The following GLOD4 variants were observed in gnomAD, a reference collection of about 807,000 sequenced individuals.
The protein encoded by GLOD4 is glyoxalase domain-containing protein 4.
A neutral mutation model predicts 39.1 loss-of-function variants in GLOD4; 44 were observed. That is an observed-to-expected ratio of 1.13 (90% CI 0.88 to 1.45). The LOEUF is 1.45. GLOD4 is among the 40% of genes most tolerant of loss of function. The pLI, the probability that GLOD4 is intolerant of heterozygous loss-of-function variation, is 0.00. For synonymous variants in GLOD4, 145 were observed against 135.0 expected, an observed-to-expected ratio of 1.07 and a Z score of -0.52; for missense variants, 405 against 366.4, an observed-to-expected ratio of 1.11 and a Z score of -0.86.
intron 2 of GLOD4, 155 bp from the exon 3 acceptor site, chr17:777,143 G>C (rs1291387079): frequency 2.4e-5 from 16 of 664,220 alleles, no homozygotes; most frequent in Non-Finnish European, 4.2e-5. Context: ...GAAAGCAGCT[G>C]TGGGCAGTGC....
At chr17:762,051 A>G (rs931198116) in intron 8 of GLOD4, among the ~76,000 whole-genome samples, 4 of 152,232 alleles carry the variant, frequency 2.6e-5, no homozygotes, top group African/African-American at 9.7e-5. Context: ...GAGCTATCGG[A>G]TTAAACGGTT....
chr17:781,508 A>G (rs978369696), intron 1 of GLOD4, among the ~76,000 whole-genome samples: 1 of 152,164 alleles, frequency 6.6e-6, no homozygotes, highest in African/African-American at 2.4e-5. Flanking sequence ...ATCCCCGTCT[A>G]TTGCACCGTC....
intron 5 of GLOD4, 45 bp downstream of exon 5, chr17:771,280 A>C: frequency 7.3e-7 from 1 of 1,363,284 alleles, no homozygotes; most frequent in South Asian, 1.3e-5. Context: ...TTCGTTTACA[A>C]GCCAAATTCA....
chr17:770,218 G>T (rs762510675), intron 6 of GLOD4, 61 bp from the exon 7 acceptor site: 1 of 901,682 alleles, frequency 1.1e-6, no homozygotes, highest in Non-Finnish European at 1.8e-6. Flanking sequence ...CACGGCCCTC[G>T]TCAGTCCTAG....
chr17:777,219 C>G (rs1298106515), intron 2 of GLOD4: 1 of 558,616 alleles, frequency 1.8e-6, no homozygotes, highest in African/African-American at 1.9e-5. Flanking sequence ...ATTTGTTCAC[C>G]TTTTCTGTAA....
At chr17:782,315 C>A (rs28364625), upstream of GLOD4, 586 of 1,610,920 alleles carry the variant, frequency 3.6e-4, 7 homozygotes, top group East Asian at 0.013. Context: ...AAGGGCGCCA[C>A]GGGCCGTGAC....
intron 1 of GLOD4, among the ~76,000 whole-genome samples, chr17:781,084 C>A (rs577599968): frequency 9.9e-5 from 15 of 152,020 alleles, no homozygotes; most frequent in African/African-American, 3.6e-4. Flanking sequence ...CCATGCCCGG[C>A]TAATTTTTGT....
At chr17:774,727 G>C (rs540664204) in intron 4 of GLOD4, among the ~76,000 whole-genome samples, 8 of 152,234 alleles carry the variant, frequency 5.3e-5, no homozygotes, top group South Asian at 2.1e-4. Flanking sequence ...ATCTGAACAG[G>C]AAGTTTGCTG....
At chr17:770,005 C>G (rs769389516) in intron 7 of GLOD4, 39 bp downstream of exon 7, 1 of 1,553,666 alleles carries the variant, frequency 6.4e-7, no homozygotes, top group Non-Finnish European at 8.9e-7. Flanking sequence ...CTTGAAGAAA[C>G]CCCTGGTCCA....
chr17:760,887 G>T (rs1236661730), intron 8 of GLOD4, among the ~76,000 whole-genome samples: 2 of 152,170 alleles, frequency 1.3e-5, no homozygotes, highest in African/African-American at 2.4e-5. Flanking sequence ...AGGAATTCGA[G>T]TTCAGCCTGT....
intron 8 of GLOD4, among the ~76,000 whole-genome samples, chr17:762,735 G>C (rs1183074264): frequency 2.0e-5 from 3 of 151,924 alleles, no homozygotes; most frequent in Non-Finnish European, 2.9e-5. Flanking sequence ...GGGATGAAGG[G>C]GAATAATTTC....
intron 3 of GLOD4, 72 bp downstream of exon 3, chr17:776,796 G>T: frequency 2.7e-6 from 3 of 1,098,872 alleles, no homozygotes; most frequent in Non-Finnish European, 4.2e-6. Flanking sequence ...ACACACCCTT[G>T]GCACTCTACT....
intron 3 of GLOD4, among the ~76,000 whole-genome samples, chr17:776,513 C>T (rs982339005): frequency 1.3e-5 from 2 of 152,152 alleles, no homozygotes; most frequent in Non-Finnish European, 2.9e-5. Flanking sequence ...GCTCAAAGTC[C>T]GCCAATGGCT....
chr17:783,203 C>G (rs776856769), upstream of GLOD4: 1 of 1,614,160 alleles, frequency 6.2e-7, no homozygotes, highest in East Asian at 2.2e-5. Flanking sequence ...AAATGTTCTT[C>G]TTTAGCCGTC....
chr17:780,185 A>T (rs186357514), intron 1 of GLOD4, among the ~76,000 whole-genome samples: 1 of 152,156 alleles, frequency 6.6e-6, no homozygotes, highest in African/African-American at 2.4e-5. Context: ...AATAAAAAAT[A>T]AAAAATAAAA....
intron 1 of GLOD4, among the ~76,000 whole-genome samples, chr17:780,381 G>A (rs1383634229): frequency 2.0e-5 from 3 of 152,018 alleles, no homozygotes; most frequent in Non-Finnish European, 4.4e-5. Flanking sequence ...TGTCCATCCT[G>A]ATATCCCATC....
At chr17:770,260 G>A (rs757964267) in intron 6 of GLOD4, 103 bp from the exon 7 acceptor site, 4 of 764,180 alleles carry the variant, frequency 5.2e-6, no homozygotes, top group Non-Finnish European at 9.3e-6. Context: ...GAACCAAGGC[G>A]CCATTTGTTT....
At chr17:769,312 C>T (rs8066432) in intron 8 of GLOD4, among the ~76,000 whole-genome samples, 2 of 60,660 alleles carry the variant, frequency 3.3e-5, no homozygotes, top group Non-Finnish European at 6.5e-5. Flanking sequence ...ATCTCCATGG[C>T]AAGAGCTGAG....
chr17:762,829 C>A (rs534550276), intron 8 of GLOD4, among the ~76,000 whole-genome samples: 3 of 152,218 alleles, frequency 2.0e-5, no homozygotes, highest in Non-Finnish European at 4.4e-5. Flanking sequence ...TTCTTAGCCT[C>A]GGTTTCCTCA....
Sources: allele counts gnomAD v4.1 joint callset (sites outside exome capture counted in the v4.1 genomes callset), GRCh38; gene constraint gnomAD v4.1.1; transcripts MANE v1.5; gene names NCBI Gene and HGNC (gene_info 2026-07-23, HGNC 2026-07-21).